The following SEPTIN8 variants were observed in gnomAD, a reference collection of about 807,000 sequenced individuals.
SEPTIN8 encodes septin-8.
In SEPTIN8, 22 loss-of-function variants were observed where a neutral mutation model predicts 53.1. The ratio of observed to expected loss-of-function variants is 0.41; its 90% CI spans 0.30 to 0.59. The LOEUF (loss-of-function observed/expected upper bound fraction) is 0.59, where lower values mean the gene tolerates loss of function less well. Ranked by LOEUF, SEPTIN8 falls within the 20% of genes least tolerant of loss-of-function variation. The pLI is 0.24. For missense variants in SEPTIN8, 536 were observed against 638.7 expected (o/e 0.84, Z 1.73); for synonymous variants, 228 against 248.4 (o/e 0.92, Z 0.77).
chr5:132,771,682 G>A (rs909639481), intron 1 of SEPTIN8, among the ~76,000 whole-genome samples: 2 of 152,194 alleles, frequency 1.3e-5, no homozygotes, highest in African/African-American at 4.8e-5. Flanking sequence ...CTCCTCCCAG[G>A]AGCCTGGGCC....
At position 132,761,857 on chromosome 5, in the gene SEPTIN8, C is replaced by T. The variant is rs1756004902; in HGVS notation, c.736G>A (p.Val246Met). ...PFAVVGSTEE[V>M]KVGNKLVRAR... ...CGGACCAGCTTGTTCCCCACCTTCA[C>T]CTCCTCGGTGCTGCCCACCACGGCA... The change falls in exon 6 of 10, where the codon GTG (valine) becomes ATG (methionine). Residue 246 changes from valine to methionine, a missense_variant. Coordinates refer to ENST00000378719, the MANE Select transcript of SEPTIN8 (RefSeq NM_001098811.2). The surrounding 1 kb of genome is among the most constrained non-coding windows in gnomAD (Gnocchi z 5.8). The T allele has an allele frequency of 6.2e-7, 1 of 1,605,750 alleles. No individual in the cohort carries two copies.
chr5:132,766,501 G>A (rs1756618614), intron 1 of SEPTIN8, among the ~76,000 whole-genome samples: 1 of 152,212 alleles, frequency 6.6e-6, no homozygotes, highest in Admixed American at 6.5e-5. Context: ...CCTGGAATGG[G>A]GTAAAATGCT....
intron 9 of SEPTIN8, chr5:132,754,525 G>A (rs1457397066): frequency 1.4e-6 from 1 of 717,354 alleles, no homozygotes; most frequent in Non-Finnish European, 2.6e-6. Context: ...AAACCTCTTG[G>A]AGAAAGCAGA....
rs1004882538 is a variant in SEPTIN8 at position 132,756,853 on chromosome 5, C to T, written c.1286+3949G>A. On this transcript the variant is annotated intron_variant, in intron 9 of 9. Transcript: ENST00000378719. ...TGCATACTCCAGAGTCCTAGGTTGG[C>T]CCATGAACCAGGAATTCTCATTTCT... 1.1e-5 allele frequency: 11 copies of T among 985,430 alleles called. No individual in the cohort carries two copies. The African/African-American group carries it at 1.9e-4, about 17-fold the overall frequency. The allele number at this position is 985,430 out of a possible 1,614,324, so 61.0% of individuals were successfully genotyped here.
intron 3 of SEPTIN8, 90 bp from the exon 4 acceptor site, chr5:132,763,982 G>T (rs1756293110): frequency 7.6e-7 from 1 of 1,317,228 alleles, no homozygotes; most frequent in Non-Finnish European, 1.0e-6. Flanking sequence ...AAGCCAGGCT[G>T]CCCCCTGGCC....
At chr5:132,763,684 C>A in intron 4 of SEPTIN8, 22 bp downstream of exon 4, 2 of 1,607,788 alleles carry the variant, frequency 1.2e-6, no homozygotes, top group Non-Finnish European at 1.7e-6. Context: ...GAGCCTGTGA[C>A]AGCAGGTGGG....
chr5:132,756,567 G>A (rs1755362249), intron 9 of SEPTIN8: 2 of 985,466 alleles, frequency 2.0e-6, no homozygotes, highest in Non-Finnish European at 2.4e-6. Flanking sequence ...ACAGTGGCAA[G>A]TTTTAAGCTC....
At chr5:132,754,389 A>C in intron 9 of SEPTIN8, 1 of 717,392 alleles carries the variant, frequency 1.4e-6, no homozygotes. Context: ...TGCATGAGGC[A>C]GAAGGACATC....
At chr5:132,774,847 C>T (rs1757644228) in intron 1 of SEPTIN8, among the ~76,000 whole-genome samples, 1 of 152,202 alleles carries the variant, frequency 6.6e-6, no homozygotes, top group South Asian at 2.1e-4. Flanking sequence ...ATTAACCCTC[C>T]ATAAACTCTC....
intron 1 of SEPTIN8, chr5:132,775,897 G>A (rs1354615005): frequency 1.3e-5 from 2 of 152,168 alleles, no homozygotes; most frequent in Middle Eastern, 3.4e-3. Context: ...ACTGACATAC[G>A]ACCCCCTCTC....
In SEPTIN8 at chr5:132,760,958, T is replaced by C; in HGVS notation, c.1130A>G (p.His377Arg). ...CTCCACCTTGCGCTTCTCCTCCTGG[T>C]GGACCCGCTTCAGGTGCTCAAACTT... ...HEKFEHLKRV[H>R]QEEKRKVEEK... is the part of the protein sequence containing the mutation. The change falls in exon 9 of 10, where the codon CAC (histidine) becomes CGC (arginine). Residue 377 changes from histidine to arginine, a missense_variant. Transcript: ENST00000378719. This position sits in a 1 kb window ranked among gnomAD's most constrained non-coding sequence, Gnocchi z 5.2. The C allele has an allele frequency of 6.3e-7, 1 of 1,591,654 alleles. No homozygotes were observed. The highest frequency in any genetic ancestry group is 8.5e-7 in the Non-Finnish European group (1 of 1,170,162).
At position 132,750,986 on chromosome 5, in the gene SEPTIN8, T is replaced by G. The variant is rs778319161; in HGVS notation, c.*1030A>C. 4.3e-6 allele frequency: 7 copies of G among 1,613,580 alleles called. No individual in the cohort carries two copies. Among genetic ancestry groups the G allele is most frequent in the Non-Finnish European group, 5.9e-6 (7 of 1,179,936 alleles). ...CCTCTATATTGGGACGCCGCTGGAC[T>G]TCTTGACTATAGTGAGTAAGGAGGT... On this transcript the variant is annotated 3_prime_UTR_variant, in exon 10 of 10. Coordinates refer to ENST00000378719, the MANE Select transcript of SEPTIN8 (RefSeq NM_001098811.2).
At chr5:132,767,879 C>G (rs1020550952) in intron 1 of SEPTIN8, among the ~76,000 whole-genome samples, 4 of 151,136 alleles carry the variant, frequency 2.6e-5, no homozygotes, top group African/African-American at 9.7e-5. Flanking sequence ...GTGACACAAT[C>G]AGGATGCAAT....
chr5:132,753,527 A>G (rs985792148), intron 9 of SEPTIN8: 1 of 154,120 alleles, frequency 6.5e-6, no homozygotes, highest in African/African-American at 2.4e-5. Context: ...AACCATGGCT[A>G]TGACTTATGT....
chr5:132,764,507 C>G, intron 2 of SEPTIN8, 88 bp from the exon 3 acceptor site: 1 of 1,131,448 alleles, frequency 8.8e-7, no homozygotes, highest in Non-Finnish European at 1.3e-6. Flanking sequence ...AGGCAGGGCT[C>G]AGGCATCCAT....
intron 9 of SEPTIN8, chr5:132,757,328 C>A (rs446560): frequency 1.0e-6 from 1 of 985,386 alleles, no homozygotes; most frequent in African/African-American, 1.7e-5. Flanking sequence ...AAGGCTGCCT[C>A]TTCCTGGCCG....
chr5:132,777,171 G>T lies in SEPTIN8; in HGVS notation c.-34C>A. ...CCGCACCGGGCGGGTGGGCTGGGAC[G>T]AGCGCAGGGGCAGCGACAGGGACCA... On this transcript the variant is annotated 5_prime_UTR_variant, in exon 1 of 10. Transcript: ENST00000378719. The surrounding 1 kb of genome is among the most constrained non-coding windows in gnomAD (Gnocchi z 4.1). The T allele has an allele frequency of 8.6e-7, 1 of 1,165,846 alleles. No homozygotes were observed. The highest frequency in any genetic ancestry group is 1.1e-6 in the Non-Finnish European group (1 of 944,848). 72.2% of individuals were successfully genotyped at this position (1,165,846 alleles called of 1,614,324 possible). A position where few individuals can be genotyped will look rare whatever the true frequency, so the allele number is the denominator to read the frequency against.
rs372605011 is a variant in SEPTIN8 at position 132,761,601 on chromosome 5, G to A, written c.819C>T (p.Phe273=). ...GGATCAACATCTCCCGCAGCTTCACGAAGTCGCAGTGATTCTCATTCTCCA... is the reference window on the plus strand; with the variant it reads ...GGATCAACATCTCCCGCAGCTTCACAAAGTCGCAGTGATTCTCATTCTCCA... ...VQVENENHCD[F]VKLREMLIRV... is the part of the protein sequence containing the mutation. Residue 273 remains phenylalanine (F), a synonymous_variant, in exon 7 of 10, where the codon TTC becomes TTT. Coordinates refer to ENST00000378719, the MANE Select transcript of SEPTIN8 (RefSeq NM_001098811.2). This position sits in a 1 kb window ranked among gnomAD's most constrained non-coding sequence, Gnocchi z 5.8. 1.1e-4 allele frequency: 171 copies of A among 1,613,872 alleles called. No individual in the cohort carries two copies. The highest frequency in any genetic ancestry group is 6.6e-4 in the Middle Eastern group (4 of 6,084).
At chr5:132,766,248 A>G (rs977289519) in intron 1 of SEPTIN8, among the ~76,000 whole-genome samples, 3 of 152,168 alleles carry the variant, frequency 2.0e-5, no homozygotes, top group Non-Finnish European at 2.9e-5. Flanking sequence ...TATTCTCTAG[A>G]GACCCCCAGC....
Sources: gnomAD v4.1 joint callset for allele counts (sites outside exome capture counted in the v4.1 genomes callset) on GRCh38, gnomAD v4.1.1 for gene constraint, Gnocchi (gnomAD v3.1) non-coding constraint, MANE v1.5 for transcripts, NCBI Gene and HGNC (gene_info 2026-07-23, HGNC 2026-07-21) for gene names.